HIF3A: variants seen among roughly 807,000 people sequenced by gnomAD.
HIF3A encodes hypoxia-inducible factor 3-alpha.
Under a neutral mutation model 67.2 loss-of-function variants are expected in HIF3A, and 41 were observed. The ratio of observed to expected loss-of-function variants is 0.61; its 90% confidence interval spans 0.48 to 0.79. The LOEUF (loss-of-function observed/expected upper bound fraction) is 0.79, where lower values mean the gene tolerates loss of function less well. HIF3A is among the 30% of genes least tolerant of loss of function. The pLI is 0.00. For missense variants in HIF3A, 855 were observed against 898.0 expected (o/e 0.95, Z 0.61); for synonymous variants, 356 against 374.8 (o/e 0.95, Z 0.58).
intron 8 of HIF3A, among the ~76,000 whole-genome samples, chr19:46,319,123 T>C (rs1970164632): frequency 6.6e-6 from 1 of 152,136 alleles, no homozygotes. Context: ...CCCAAGTGTA[T>C]GGAGCATGTG....
intron 1 of HIF3A, among the ~76,000 whole-genome samples, chr19:46,299,818 T>TG (rs749861189): frequency 4.0e-5 from 6 of 149,678 alleles, no homozygotes; most frequent in East Asian, 2.0e-4. Context: ...AAGCAGACGG[T>TG]GGGGGGCGGG....
chr19:46,309,117 C>T, intron 5 of HIF3A, 34 bp from the exon 6 acceptor site: 1 of 1,574,236 alleles, frequency 6.4e-7, no homozygotes, highest in Non-Finnish European at 8.7e-7. Context: ...GGCCCAGAGG[C>T]ACCACTGCCT....
intron 8 of HIF3A, chr19:46,313,263 AAAC>A: frequency 1.0e-6 from 1 of 969,310 alleles, no homozygotes; most frequent in South Asian, 4.8e-5. Context: ...ACAAACAAAC[AAAC>A]AAACAAACAA....
chr19:46,335,039 G>T, intron 14 of HIF3A, 53 bp downstream of exon 14: 2 of 1,441,074 alleles, frequency 1.4e-6, no homozygotes, highest in Middle Eastern at 1.8e-4. Context: ...CCCCCGGGAG[G>T]TGCGAGAGGG....
At chr19:46,333,943 C>T (rs1307191358) in intron 13 of HIF3A, among the ~76,000 whole-genome samples, 1 of 151,494 alleles carries the variant, frequency 6.6e-6, no homozygotes, top group Non-Finnish European at 1.5e-5. Context: ...CAGGCAGCTG[C>T]CACCACGCCT....
At chr19:46,334,847 C>T (rs1284787941) in intron 13 of HIF3A, 58 bp from the exon 14 acceptor site, 3 of 1,429,446 alleles carry the variant, frequency 2.1e-6, no homozygotes, top group Non-Finnish European at 2.9e-6. Context: ...CCACTCCCGG[C>T]TGTTCCTTGG....
At chr19:46,299,285 G>C (rs1002870551) in intron 1 of HIF3A, among the ~76,000 whole-genome samples, 4 of 152,236 alleles carry the variant, frequency 2.6e-5, no homozygotes, top group African/African-American at 9.6e-5. Context: ...AAGAGGGGTG[G>C]GGCAGGGGCC....
intron 1 of HIF3A, among the ~76,000 whole-genome samples, chr19:46,301,937 G>A (rs1411578112): frequency 6.6e-6 from 1 of 151,794 alleles, no homozygotes; most frequent in Non-Finnish European, 1.5e-5. Context: ...TAGTACAGTG[G>A]CAAGCACATA....
intron 8 of HIF3A, among the ~76,000 whole-genome samples, chr19:46,313,701 C>T (rs948668954): frequency 4.1e-5 from 6 of 148,090 alleles, no homozygotes; most frequent in East Asian, 4.0e-4. Context: ...GTTTTGCCCT[C>T]GTCACTCAGG....
At position 46,303,915 on chromosome 19, in the gene HIF3A, G is replaced by T; in HGVS notation, c.44G>T (p.Arg15Leu). Residue 15 changes from arginine (R) to leucine (L), a missense_variant, in exon 2 of 15, where the codon CGC (arginine) becomes CTC (leucine). Physicochemically the swap from Arg to Leu is moderately radical, Grantham distance 102 (BLOSUM62 -2). Coordinates refer to ENST00000377670, the MANE Select transcript of HIF3A (RefSeq NM_152795.4). ...GCCCTCAGGTCGACCACGGAGCTGC[G>T]CAAGGAAAAGTCCCGGGATGCGGCC... ...LQRARSTTEL[R>L]KEKSRDAARS... 1.9e-6 allele frequency: 3 copies of T among 1,608,572 alleles called. No individual in the cohort carries two copies. The highest frequency in any genetic ancestry group is 1.7e-6 in the Non-Finnish European group (2 of 1,177,908).
chr19:46,338,408 GC>G, intron 14 of HIF3A: 1 of 424,282 alleles, frequency 2.4e-6, no homozygotes, highest in Non-Finnish European at 4.2e-6. Context: ...TCACCATGTT[GC>G]CCAGGCTGGT....
chr19:46,304,503 TGA>T (rs933556475), intron 2 of HIF3A, among the ~76,000 whole-genome samples: 15 of 152,150 alleles, frequency 9.9e-5, no homozygotes, highest in African/African-American at 3.6e-4. Flanking sequence ...TTACTGTATC[TGA>T]GAGTCCCTTG....
intron 3 of HIF3A, among the ~76,000 whole-genome samples, chr19:46,306,031 A>T (rs1968819081): frequency 6.6e-6 from 1 of 152,178 alleles, no homozygotes; most frequent in South Asian, 2.1e-4. Flanking sequence ...GTGAGCCAAG[A>T]TTGCACCAGT....
intron 8 of HIF3A, among the ~76,000 whole-genome samples, chr19:46,317,773 G>C (rs143904886): frequency 6.6e-6 from 1 of 151,890 alleles, no homozygotes; most frequent in Admixed American, 6.6e-5. Flanking sequence ...TTCTTCGATC[G>C]TCCTTTTCAA....
chr19:46,329,403 AC>A lies in HIF3A; in HGVS notation c.1642del (p.Arg548GlyfsTer2). 2 of 1,605,180 alleles carry A rather than the reference AC, an allele frequency of 1.2e-6. No homozygotes were observed. Among genetic ancestry groups the A allele is most frequent in the Non-Finnish European group, 1.7e-6 (2 of 1,175,074 alleles). ...EPSLLPRWGSDPRLSCSSPSR... is the reference protein window; with the variant it reads ...EPSLLPRWGSXPRLSCSSPSR... ...TCCCTGCTACCCCGCTGGGGGAGTGACCCCCGGCTGAGCTGCTCCAGCCCTT... is the reference window on the plus strand; with the variant it reads ...TCCCTGCTACCCCGCTGGGGGAGTGACCCCGGCTGAGCTGCTCCAGCCCTT... On this transcript the variant is annotated frameshift_variant, in exon 12 of 15. Coordinates refer to ENST00000377670, the MANE Select transcript of HIF3A (RefSeq NM_152795.4). LOFTEE classifies it high-confidence loss of function.
chr19:46,312,473 G>A, intron 7 of HIF3A, 33 bp from the exon 8 acceptor site: 2 of 1,611,996 alleles, frequency 1.2e-6, no homozygotes, highest in East Asian at 2.2e-5. Flanking sequence ...TGCCCCCTTG[G>A]TGGCCCTGAT....
chr19:46,329,086 G>A (rs925828773), intron 11 of HIF3A, 121 bp from the exon 12 acceptor site: 1 of 929,188 alleles, frequency 1.1e-6, no homozygotes, highest in Non-Finnish European at 1.6e-6. Flanking sequence ...TACAGATGAG[G>A]AAACTGAAGC....
chr19:46,316,203 C>T (rs1036792282), intron 8 of HIF3A, among the ~76,000 whole-genome samples: 1 of 152,000 alleles, frequency 6.6e-6, no homozygotes, highest in Non-Finnish European at 1.5e-5. Flanking sequence ...TGCACTCCAG[C>T]CTGGGCGACA....
intron 11 of HIF3A, among the ~76,000 whole-genome samples, chr19:46,327,404 C>A (rs1417961346): frequency 6.6e-6 from 1 of 151,534 alleles, no homozygotes; most frequent in African/African-American, 2.4e-5. Flanking sequence ...CAACTTCCAA[C>A]TCCCAGGTTC....
Sources: gnomAD v4.1 joint callset for allele counts (sites outside exome capture counted in the v4.1 genomes callset) on GRCh38, gnomAD v4.1.1 for gene constraint, MANE v1.5 for transcripts, NCBI Gene and HGNC (gene_info 2026-07-23, HGNC 2026-07-21) for gene names.